The following NCKAP5 variants were observed in gnomAD, a reference collection of about 807,000 sequenced individuals.
NCKAP5 encodes nck-associated protein 5.
A neutral mutation model predicts 167.0 loss-of-function variants in NCKAP5; 92 were observed. The observed-to-expected ratio is 0.55, with a 90% CI of 0.47 to 0.66. NCKAP5 has a LOEUF of 0.66. NCKAP5 is among the 30% of genes least tolerant of loss of function. NCKAP5 has a pLI of 0.00. For missense variants in NCKAP5, 2,378 were observed against 2,315.0 expected (o/e 1.03, Z -0.56); for synonymous variants, 891 against 877.4 (o/e 1.02, Z -0.27).
At chr2:133,159,281 C>T (rs887848922) in intron 5 of NCKAP5, among the ~76,000 whole-genome samples, 2 of 152,114 alleles carry the variant, frequency 1.3e-5, no homozygotes, top group African/African-American at 4.8e-5. Context: ...CTCGGTTCTG[C>T]AACTTCAGGG....
chr2:133,246,183 G>C (rs544705965), intron 4 of NCKAP5, among the ~76,000 whole-genome samples: 1 of 151,856 alleles, frequency 6.6e-6, no homozygotes, highest in Non-Finnish European at 1.5e-5. Flanking sequence ...CTGAGTAGAC[G>C]GAGCTTTCCT....
chr2:133,009,282 T>C (rs184595352), intron 6 of NCKAP5, among the ~76,000 whole-genome samples: 52 of 152,326 alleles, frequency 3.4e-4, no homozygotes, highest in Non-Finnish European at 4.7e-4. Context: ...TGATTTCATG[T>C]ATGGGTTTCT....
rs368218260 is a variant in NCKAP5 at position 132,783,896 on chromosome 2, G to T, written c.2915C>A (p.Pro972Gln). ...SETARTPFKS[P>Q]LLKGISAPVI... ...TGGAGCAGAAATTCCTTTCAGCAGCGGGGATTTGAATGGGGTCCTTGCTGT... is the reference window on the plus strand; with the variant it reads ...TGGAGCAGAAATTCCTTTCAGCAGCTGGGATTTGAATGGGGTCCTTGCTGT... The change falls in exon 14 of 20, where the codon CCG becomes CAG. Residue 972 changes from proline to glutamine, a missense_variant. By Grantham distance (76) the Pro-to-Gln change is moderately conservative (BLOSUM62 -1). This residue lies in a region of NCKAP5 where 1,325 missense variants were observed against 1,274.5 expected (regional missense o/e 1.04). Coordinates refer to ENST00000409261, the MANE Select transcript of NCKAP5 (RefSeq NM_207363.3). The T allele has an allele frequency of 6.5e-7, 1 of 1,543,936 alleles. No homozygotes were observed. Among genetic ancestry groups the T allele is most frequent in the Non-Finnish European group, 8.7e-7 (1 of 1,149,876 alleles).
In NCKAP5 at chr2:132,837,095, T is replaced by C. The variant is rs745751403; in HGVS notation, c.807+23397A>G. On this transcript the variant is annotated intron_variant, in intron 11 of 19. Transcript: ENST00000409261. ...TCCACTGTGATCGTGACAGTGATGCTACTGAGAAATCAGACATCGTTCAGT... is the reference window on the plus strand; with the variant it reads ...TCCACTGTGATCGTGACAGTGATGCCACTGAGAAATCAGACATCGTTCAGT... Among the ~76,000 whole-genome samples, 52 of 152,322 alleles carry C rather than the reference T, an allele frequency of 3.4e-4. 1 individual carries two copies. The highest frequency in any genetic ancestry group is 8.3e-4 in the South Asian group (4 of 4,826).
intron 6 of NCKAP5, among the ~76,000 whole-genome samples, chr2:133,043,775 C>A (rs2079294519): frequency 6.6e-6 from 1 of 152,098 alleles, no homozygotes; most frequent in African/African-American, 2.4e-5. Context: ...GTCATGAGGG[C>A]AGAGACTTTG....
At chr2:133,134,540 A>G (rs1309425325) in intron 5 of NCKAP5, among the ~76,000 whole-genome samples, 1 of 152,254 alleles carries the variant, frequency 6.6e-6, no homozygotes, top group African/African-American at 2.4e-5. Flanking sequence ...GAGAAAAAGA[A>G]GTCCAAAACA....
chr2:132,988,335 G>A (rs935527654), intron 7 of NCKAP5, among the ~76,000 whole-genome samples: 2 of 151,866 alleles, frequency 1.3e-5, no homozygotes, highest in African/African-American at 2.4e-5. Context: ...GGTGGCACAC[G>A]ACTGTAGGCC....
At chr2:132,902,502 T>C (rs1199141032) in intron 8 of NCKAP5, among the ~76,000 whole-genome samples, 1 of 152,260 alleles carries the variant, frequency 6.6e-6, no homozygotes, top group Non-Finnish European at 1.5e-5. Context: ...GAAGGGTTTA[T>C]TGATTTACAC....
At chr2:132,682,555 A>G (rs1409827526) in intron 19 of NCKAP5, among the ~76,000 whole-genome samples, 2 of 152,212 alleles carry the variant, frequency 1.3e-5, no homozygotes, top group African/African-American at 4.8e-5. Flanking sequence ...ACAAAGCATT[A>G]GATATACCAG....
chr2:133,616,469 TA>T, the NCKAP5 span, among the ~76,000 whole-genome samples: 1 of 150,838 alleles, frequency 6.6e-6, no homozygotes, highest in Non-Finnish European at 1.5e-5. Flanking sequence ...ATAAAGGGGA[TA>T]TCACCACCGA....
At chr2:133,522,516 C>G (rs1451042665) in intron 2 of NCKAP5, among the ~76,000 whole-genome samples, 1 of 152,148 alleles carries the variant, frequency 6.6e-6, no homozygotes. Flanking sequence ...TACTAAGCCT[C>G]TAGAGGACAG....
intron 3 of NCKAP5, among the ~76,000 whole-genome samples, chr2:133,498,959 A>G (rs1053244812): frequency 2.0e-5 from 3 of 152,252 alleles, no homozygotes; most frequent in African/African-American, 7.2e-5. Flanking sequence ...TCCAGCAGTC[A>G]TGCCTGGGTT....
chr2:133,388,658 C>A (rs1574858281), intron 3 of NCKAP5, among the ~76,000 whole-genome samples: 1 of 152,198 alleles, frequency 6.6e-6, no homozygotes, highest in Admixed American at 6.5e-5. Context: ...GGCAGGCAGG[C>A]CTCCTTGAAC....
At chr2:133,391,993 C>T (rs1687443131) in intron 3 of NCKAP5, among the ~76,000 whole-genome samples, 1 of 152,126 alleles carries the variant, frequency 6.6e-6, no homozygotes, top group Admixed American at 6.5e-5. Context: ...TATGCCCACC[C>T]CCATGGTTTT....
intron 7 of NCKAP5, among the ~76,000 whole-genome samples, chr2:132,972,292 T>C (rs2076857770): frequency 6.6e-6 from 1 of 152,166 alleles, no homozygotes; most frequent in Non-Finnish European, 1.5e-5. Context: ...ATTGTTCCTT[T>C]TCATAGAAGC....
chr2:133,632,990 C>A, the NCKAP5 span, among the ~76,000 whole-genome samples: 1 of 152,140 alleles, frequency 6.6e-6, no homozygotes, highest in Admixed American at 6.5e-5. Flanking sequence ...TTGGCTGGCC[C>A]AGAGCACCTG....
chr2:133,252,682 A>G (rs898676980), intron 4 of NCKAP5, among the ~76,000 whole-genome samples: 1 of 152,178 alleles, frequency 6.6e-6, no homozygotes, highest in African/African-American at 2.4e-5. Flanking sequence ...CCATGAGACC[A>G]GAGGTTTTTT....
rs761443047 is a variant in NCKAP5 at position 133,303,077 on chromosome 2, G to C, written c.103C>G (p.Leu35Val). 3.8e-6 allele frequency: 6 copies of C among 1,597,180 alleles called. No individual in the cohort carries two copies. Among genetic ancestry groups the C allele is most frequent in the Non-Finnish European group, 5.1e-6 (6 of 1,171,418 alleles). The change falls in exon 4 of 20, where the codon CTG becomes GTG. Residue 35 changes from leucine (L) to valine (V), a missense_variant. Leu to Val is a conservative substitution (Grantham distance 32, BLOSUM62 1). This residue lies in a region of NCKAP5 where 1,049 missense variants were observed against 1,023.4 expected (regional missense o/e 1.02). Transcript: ENST00000409261. ...TGTTGCTCCTCAAGCTGAGTCAGCAGATGCTCAATGTATTTATTGGAGTCC... is the reference window on the plus strand; with the variant it reads ...TGTTGCTCCTCAAGCTGAGTCAGCACATGCTCAATGTATTTATTGGAGTCC... ...YMDSNKYIEH[L>V]LTQLEEQHRS...
At chr2:132,883,518 T>A (rs1214404993) in intron 8 of NCKAP5, among the ~76,000 whole-genome samples, 1 of 152,142 alleles carries the variant, frequency 6.6e-6, no homozygotes, top group Non-Finnish European at 1.5e-5. Context: ...GTCTCCACAC[T>A]GCACCTCCTC....
Sources: allele counts gnomAD v4.1 joint callset (sites outside exome capture counted in the v4.1 genomes callset), GRCh38; gene constraint gnomAD v4.1.1; regional missense constraint gnomAD v4.1.1; transcripts MANE v1.5; gene names NCBI Gene and HGNC (gene_info 2026-07-23, HGNC 2026-07-21).